Variants in TMCO5A observed in about 807,000 individuals in gnomAD.
The protein encoded by TMCO5A is transmembrane and coiled-coil domains 5A.
In TMCO5A, 34 loss-of-function variants were observed where a neutral mutation model predicts 42.3. The ratio of observed to expected loss-of-function variants is 0.80; its 90% confidence interval spans 0.61 to 1.07. TMCO5A has a LOEUF of 1.07. Ranked by LOEUF, TMCO5A falls within the 50% of genes least tolerant of loss-of-function variation. The pLI is 0.00. For missense variants in TMCO5A, 357 were observed against 327.9 expected (o/e 1.09, Z -0.69); for synonymous variants, 131 against 115.6 (o/e 1.13, Z -0.86).
the TMCO5A span, chr15:37,984,899 G>A: frequency 6.6e-6 from 1 of 151,442 alleles, no homozygotes; most frequent in Non-Finnish European, 1.5e-5. Flanking sequence ...CAGGAGAAAT[G>A]GACTAAACTA....
At chr15:37,935,056 G>A (rs2140251391) in intron 1 of TMCO5A, among the ~76,000 whole-genome samples, 1 of 152,186 alleles carries the variant, frequency 6.6e-6, no homozygotes, top group South Asian at 2.1e-4. Flanking sequence ...TATCCTGACT[G>A]TATCTTTAAT....
chr15:38,002,209 T>G, the TMCO5A span, among the ~76,000 whole-genome samples: 2 of 109,450 alleles, frequency 1.8e-5, no homozygotes, highest in South Asian at 2.5e-4. Context: ...GGATAAAAGG[T>G]TTTTTTTTTT....
chr15:37,945,599 T>A (rs1889918359), intron 10 of TMCO5A, among the ~76,000 whole-genome samples: 1 of 152,200 alleles, frequency 6.6e-6, no homozygotes, highest in Non-Finnish European at 1.5e-5. Context: ...TCATTGTGGT[T>A]TTGATTTGCA....
chr15:38,010,962 G>A, the TMCO5A span, among the ~76,000 whole-genome samples: 86 of 152,222 alleles, frequency 5.6e-4, no homozygotes, highest in Non-Finnish European at 9.3e-4. Flanking sequence ...AGCCAGGCTG[G>A]TCTCAAACTC....
chr15:38,024,673 C>T, the TMCO5A span: 1 of 152,184 alleles, frequency 6.6e-6, no homozygotes, highest in Admixed American at 6.5e-5. Context: ...CCCTCTTTCC[C>T]CCTTAAGGAG....
chr15:38,020,757 G>T, the TMCO5A span, among the ~76,000 whole-genome samples: 1 of 151,908 alleles, frequency 6.6e-6, no homozygotes, highest in Non-Finnish European at 1.5e-5. Context: ...CCTCAATAAA[G>T]CTGGGGGAAA....
the TMCO5A span, among the ~76,000 whole-genome samples, chr15:37,980,355 C>T: frequency 6.6e-6 from 1 of 152,176 alleles, no homozygotes; most frequent in Non-Finnish European, 1.5e-5. Flanking sequence ...CCACGTGTGC[C>T]TGAGTGGTGG....
chr15:37,965,796 A>G (rs1424746602), intron 11 of TMCO5A, among the ~76,000 whole-genome samples: 2 of 152,212 alleles, frequency 1.3e-5, no homozygotes, highest in Non-Finnish European at 2.9e-5. Flanking sequence ...ACACTCATAC[A>G]TTGTTAGTGG....
chr15:38,019,634 G>T, the TMCO5A span, among the ~76,000 whole-genome samples: 1 of 152,028 alleles, frequency 6.6e-6, no homozygotes, highest in Non-Finnish European at 1.5e-5. Flanking sequence ...AAGACACAGG[G>T]TCTCACTCTG....
downstream of TMCO5A, among the ~76,000 whole-genome samples, chr15:37,951,848 C>G (rs1890167547): frequency 6.6e-6 from 1 of 152,064 alleles, no homozygotes; most frequent in African/African-American, 2.4e-5. Context: ...ATTGCTGAGA[C>G]ACGGAAGAGA....
chr15:38,010,237 G>A, the TMCO5A span, among the ~76,000 whole-genome samples: 4 of 151,702 alleles, frequency 2.6e-5, no homozygotes, highest in Admixed American at 6.6e-5. Flanking sequence ...TTAGCCGGGC[G>A]TATTGGCCGG....
At chr15:38,024,964 A>T in the TMCO5A span, 1 of 152,440 alleles carries the variant, frequency 6.6e-6, no homozygotes, top group Non-Finnish European at 1.5e-5. Context: ...TGGCACCTTG[A>T]TCTTGGACTT....
chr15:38,036,837 G>A, the TMCO5A span, among the ~76,000 whole-genome samples: 16 of 152,016 alleles, frequency 1.1e-4, no homozygotes, highest in Non-Finnish European at 2.2e-4. Context: ...CCAGGTCAGG[G>A]ACTAGTGTTT....
At chr15:37,995,423 TTTTGCATC>T in the TMCO5A span, among the ~76,000 whole-genome samples, 1 of 152,250 alleles carries the variant, frequency 6.6e-6, no homozygotes, top group African/African-American at 2.4e-5. Context: ...GGTAAAATTA[TTTTGCATC>T]CTGCAATCAG....
intron 10 of TMCO5A, 45 bp downstream of exon 10, chr15:37,943,443 T>G: frequency 6.3e-7 from 1 of 1,593,902 alleles, no homozygotes; most frequent in South Asian, 1.1e-5. Context: ...TGTCATTGCC[T>G]TTCAAAGCCA....
rs148816101 is a variant in TMCO5A, at chr15:37,951,166, T to C, written c.799T>C (p.Leu267=). 9 of 1,613,764 alleles carry C rather than the reference T, an allele frequency of 5.6e-6. No individual in the cohort carries two copies. The East Asian group carries it at 6.7e-5, about 12-fold the overall frequency. Residue 267 remains leucine (L), a synonymous_variant, in exon 12 of 12, where the codon TTG becomes CTG. Transcript: ENST00000319669. ...GCCCAAGGTACTGGGCAGGAGCACCTTGTGGAAGCTCAGATGCTTCTTCTT... is the reference window on the plus strand; with the variant it reads ...GCCCAAGGTACTGGGCAGGAGCACCCTGTGGAAGCTCAGATGCTTCTTCTT... The part of the protein sequence containing the change: ...VLPKVLGRST[L]WKLRCFFFPS...
At chr15:37,958,819 C>T (rs1269144473) in intron 11 of TMCO5A, among the ~76,000 whole-genome samples, 4 of 152,044 alleles carry the variant, frequency 2.6e-5, no homozygotes, top group East Asian at 1.9e-4. Flanking sequence ...CACATGCACA[C>T]GTATGTTTAC....
At chr15:37,955,010 G>A (rs902035838), downstream of TMCO5A, among the ~76,000 whole-genome samples, 1 of 151,450 alleles carries the variant, frequency 6.6e-6, no homozygotes, top group Non-Finnish European at 1.5e-5. Flanking sequence ...TTTACTAGAA[G>A]GAAGACAGGA....
intron 11 of TMCO5A, chr15:37,956,586 G>A (rs965268438): frequency 6.5e-6 from 1 of 153,860 alleles, no homozygotes; most frequent in Admixed American, 7.2e-5. Context: ...TTCTGAAATT[G>A]AGACAGCAAT....
Sources: allele counts gnomAD v4.1 joint callset (sites outside exome capture counted in the v4.1 genomes callset), GRCh38; gene constraint gnomAD v4.1.1; transcripts MANE v1.5; gene names NCBI Gene and HGNC (gene_info 2026-07-23, HGNC 2026-07-21).